The following PTPRD variants were observed in gnomAD, a reference collection of about 807,000 sequenced individuals.
PTPRD encodes receptor-type tyrosine-protein phosphatase delta.
In PTPRD, 34 loss-of-function variants were observed where a neutral mutation model predicts 214.5. That is an observed-to-expected ratio of 0.16 (90% confidence interval 0.12 to 0.21). The LOEUF (loss-of-function observed/expected upper bound fraction) is 0.21, where lower values mean the gene tolerates loss of function less well. Ranked by LOEUF, PTPRD falls within the 10% of genes least tolerant of loss-of-function variation. PTPRD has a pLI of 1.00. For synonymous variants in PTPRD, 1,128 were observed against 845.7 expected, an observed-to-expected ratio of 1.33 and a Z score of -5.79; for missense variants, 2,545 against 2,398.7, an observed-to-expected ratio of 1.06 and a Z score of -1.27.
At chr9:10,189,609 C>A (rs76339121) in intron 3 of PTPRD, among the ~76,000 whole-genome samples, 2,303 of 152,106 alleles carry the variant, frequency 0.015, 66 homozygotes, top group African/African-American at 0.054. Context: ...TTGCAATGTT[C>A]CACAACATGC....
chr9:8,387,877 T>C (rs948346352), intron 37 of PTPRD, among the ~76,000 whole-genome samples: 1 of 152,190 alleles, frequency 6.6e-6, no homozygotes. Flanking sequence ...AGGGGAGTTG[T>C]TTTTAAAGAA....
chr9:8,742,812 T>C (rs2092230644), intron 11 of PTPRD, among the ~76,000 whole-genome samples: 1 of 152,160 alleles, frequency 6.6e-6, no homozygotes, highest in African/African-American at 2.4e-5. Flanking sequence ...GCAGGTGTAA[T>C]ATTTATTGGT....
intron 7 of PTPRD, among the ~76,000 whole-genome samples, chr9:9,721,016 A>G (rs2097927992): frequency 6.6e-6 from 1 of 152,140 alleles, no homozygotes; most frequent in Non-Finnish European, 1.5e-5. Context: ...AAGGGTACAA[A>G]AAAAAATAAC....
chr9:8,335,280 A>G (rs1225978654), intron 43 of PTPRD, among the ~76,000 whole-genome samples: 1 of 151,502 alleles, frequency 6.6e-6, no homozygotes, highest in African/African-American at 2.4e-5. Flanking sequence ...AGCACATCAA[A>G]AAGCTTATCC....
intron 3 of PTPRD, among the ~76,000 whole-genome samples, chr9:10,133,603 T>A (rs962230350): frequency 6.6e-6 from 1 of 152,132 alleles, no homozygotes; most frequent in Non-Finnish European, 1.5e-5. Context: ...AAATAACTAA[T>A]GACTATATAG....
At chr9:9,613,174 GATTGCATCA>G (rs2094630939) in intron 7 of PTPRD, among the ~76,000 whole-genome samples, 1 of 67,526 alleles carries the variant, frequency 1.5e-5, no homozygotes, top group Admixed American at 1.7e-4. Flanking sequence ...ATATATATAT[GATTGCATCA>G]TATGAAGCAT....
At chr9:8,960,005 T>C (rs2099150605) in intron 11 of PTPRD, among the ~76,000 whole-genome samples, 1 of 152,044 alleles carries the variant, frequency 6.6e-6, no homozygotes, top group African/African-American at 2.4e-5. Flanking sequence ...ATTTACCAAG[T>C]ATAACGGTTG....
At chr9:9,949,599 T>C (rs1467803045) in intron 4 of PTPRD, among the ~76,000 whole-genome samples, 1 of 152,120 alleles carries the variant, frequency 6.6e-6, no homozygotes, top group East Asian at 1.9e-4. Flanking sequence ...GTTAAGCCAA[T>C]CACTACATCC....
intron 43 of PTPRD, among the ~76,000 whole-genome samples, chr9:8,333,781 C>A (rs10758957): frequency 0.56 from 84,107 of 151,426 alleles, 24,110 homozygotes; most frequent in Non-Finnish European, 0.64. Flanking sequence ...GAGTAAAGAC[C>A]CATCTCACAC....
At chr9:8,477,808 G>A (rs994599605) in intron 30 of PTPRD, among the ~76,000 whole-genome samples, 5 of 151,216 alleles carry the variant, frequency 3.3e-5, no homozygotes, top group African/African-American at 1.2e-4. Flanking sequence ...AATTGACCTA[G>A]GAAAAAAAAA....
chr9:10,205,255 CA>C (rs1441153642), intron 3 of PTPRD, among the ~76,000 whole-genome samples: 3 of 151,670 alleles, frequency 2.0e-5, no homozygotes, highest in South Asian at 4.2e-4. Context: ...AAAAATACAA[CA>C]AAAACTTTAA....
rs1281678396 is a variant in PTPRD at position 8,493,999 on chromosome 9, GACACACAGACAC to G, written c.2350-1032_2350-1021del. On this transcript the variant is annotated intron_variant, in intron 26 of 45. Transcript: ENST00000381196. ...ATGCGCACACACACAGACACACACA[GACACACAGACAC>G]ACACACACACACACACACACACACA... Among the ~76,000 whole-genome samples the G allele has an allele frequency of 1.2e-3, 169 of 141,984 alleles. 2 individuals are homozygous for G. The highest frequency in any genetic ancestry group is 5.2e-3 in the South Asian group (22 of 4,266). 93.1% of individuals were successfully genotyped at this position (141,984 alleles called of 152,430 possible). A position where few individuals can be genotyped will look rare whatever the true frequency, so the allele number is the denominator to read the frequency against.
At chr9:8,594,676 C>T (rs536492719) in intron 14 of PTPRD, among the ~76,000 whole-genome samples, 4 of 152,180 alleles carry the variant, frequency 2.6e-5, no homozygotes, top group South Asian at 2.1e-4. Context: ...CCGACGCTCT[C>T]GCTCTGTCTT....
chr9:9,961,237 G>A (rs1250883680), intron 4 of PTPRD, among the ~76,000 whole-genome samples: 1 of 152,072 alleles, frequency 6.6e-6, no homozygotes, highest in Non-Finnish European at 1.5e-5. Flanking sequence ...ATTACTATAT[G>A]TATCTTGCAC....
At chr9:10,486,137 G>A (rs913354174) in intron 2 of PTPRD, among the ~76,000 whole-genome samples, 1 of 151,846 alleles carries the variant, frequency 6.6e-6, no homozygotes, top group Non-Finnish European at 1.5e-5. Flanking sequence ...TAGGTTGCCT[G>A]TTCACTCTGA....
chr9:8,759,828 G>A (rs1174356913), intron 11 of PTPRD, among the ~76,000 whole-genome samples: 1 of 152,026 alleles, frequency 6.6e-6, no homozygotes, highest in African/African-American at 2.4e-5. Context: ...TTCTTCCGAG[G>A]TCTCCAGACA....
At position 9,896,509 on chromosome 9, in the gene PTPRD, G is replaced by C. The variant is rs577198437; in HGVS notation, c.-368+41998C>G. 5.4e-4 allele frequency among the ~76,000 whole-genome samples: 82 copies of C among 151,908 alleles called. 2 individuals are homozygous for C. The South Asian group carries it at 0.017, about 31-fold the overall frequency. On this transcript the variant is annotated intron_variant, in intron 5 of 45. Coordinates refer to ENST00000381196, the MANE Select transcript of PTPRD (RefSeq NM_002839.4). Reference sequence around the variant, plus strand: ...TTCTGGGAAATAGTCTAGTGCATTTGGATAGCTAAACACATTTTTTAAAAG... The same window carrying C: ...TTCTGGGAAATAGTCTAGTGCATTTCGATAGCTAAACACATTTTTTAAAAG...
intron 3 of PTPRD, among the ~76,000 whole-genome samples, chr9:10,243,577 C>G (rs1257162065): frequency 1.3e-5 from 2 of 151,904 alleles, no homozygotes; most frequent in African/African-American, 4.8e-5. Context: ...GTAAGATCCA[C>G]CCTTCACACT....
chr9:8,611,604 G>A (rs7864086), intron 14 of PTPRD, among the ~76,000 whole-genome samples: 1 of 151,788 alleles, frequency 6.6e-6, no homozygotes, highest in African/African-American at 2.4e-5. Context: ...ACTGGCAGGG[G>A]TCAGGTGGGA....
Sources: allele counts gnomAD v4.1 joint callset (sites outside exome capture counted in the v4.1 genomes callset), GRCh38; gene constraint gnomAD v4.1.1; transcripts MANE v1.5; gene names NCBI Gene and HGNC (gene_info 2026-07-23, HGNC 2026-07-21).